The following TRMT2B variants were observed in gnomAD, a reference collection of about 807,000 sequenced individuals.
TRMT2B encodes tRNA (uracil-5-)-methyltransferase homolog B.
A neutral mutation model predicts 39.7 loss-of-function variants in TRMT2B; 34 were observed. The observed-to-expected ratio is 0.86, with a 90% CI of 0.65 to 1.14. TRMT2B has a LOEUF of 1.14. Ranked by LOEUF, TRMT2B falls within the 50% of genes most tolerant of loss-of-function variation. The pLI is 0.00. For synonymous variants in TRMT2B, 132 were observed against 137.3 expected, an observed-to-expected ratio of 0.96 and a Z score of 0.27; for missense variants, 318 against 377.2, an observed-to-expected ratio of 0.84 and a Z score of 1.30.
chrX:101,043,376 C>A (rs1301679724), intron 2 of TRMT2B, among the ~76,000 whole-genome samples: 4 of 111,559 alleles, frequency 3.6e-5, no homozygotes, highest in African/African-American at 9.8e-5. Context: ...TCAAGACCAG[C>A]CTGGCCAACA....
chrX:101,000,656 A>T, the TRMT2B span, among the ~76,000 whole-genome samples: 1 of 110,142 alleles, frequency 9.1e-6, no homozygotes, highest in Non-Finnish European at 1.9e-5. Context: ...TATCTGGCCT[A>T]TGTATTACCC....
Position 101,010,804 on chromosome X carries a change from A to G in TRMT2B, c.1389-97T>C. 3.5e-6 allele frequency: 3 copies of G among 866,250 alleles called. No homozygotes were observed. The South Asian group carries it at 9.4e-5, about 27-fold the overall frequency. 71.4% of individuals were successfully genotyped at this position (866,250 alleles called of 1,213,427 possible). The stretch of plus-strand genomic sequence containing the variant: ...ATAGAGGCCCTTCCACTGTGTTCCC[A>G]CAGGCCCCCTGTGTTTCTCTTATAC... On this transcript the variant is annotated intron_variant, in intron 13 of 13. Transcript: ENST00000372936.
chrX:101,040,235 A>C (rs1450533962), intron 4 of TRMT2B, among the ~76,000 whole-genome samples: 2 of 109,067 alleles, frequency 1.8e-5, no homozygotes. Context: ...CAGAGGTTGC[A>C]GTGAGCTGAG....
intron 2 of TRMT2B, among the ~76,000 whole-genome samples, chrX:101,045,313 G>A (rs867684914): frequency 9.3e-6 from 1 of 107,632 alleles, no homozygotes; most frequent in Non-Finnish European, 1.9e-5. Context: ...AATTAGCCGC[G>A]CATGGTGGCA....
At chrX:100,997,008 AT>A in the TRMT2B span, among the ~76,000 whole-genome samples, 2 of 109,526 alleles carry the variant, frequency 1.8e-5, no homozygotes, top group Admixed American at 2.0e-4. Context: ...AAGGAACTAG[AT>A]TTTTTTTTTG....
Position 101,010,599 on chromosome X carries a change from C to T in TRMT2B, c.1497G>A (p.Val499=), listed in dbSNP as rs761694313. 11 of 1,209,389 alleles carry T rather than the reference C, an allele frequency of 9.1e-6. No homozygotes were observed. Among genetic ancestry groups the T allele is most frequent in the South Asian group, 1.8e-5 (1 of 56,748 alleles). ...AGGCTGCTTATCGAGTAAAGAGGAG[C>T]ACCAGCTCACAATGTGGGGTGTGAG... ...LFPHTPHCEL[V]LLFTR is the part of the protein sequence containing the mutation. The change falls in exon 14 of 14, where the codon GTG becomes GTA. Residue 499 remains valine (V), a synonymous_variant. Coordinates refer to ENST00000372936, the MANE Select transcript of TRMT2B (RefSeq NM_024917.6).
rs1219866720 is a variant in TRMT2B, at chrX:101,042,257, G to A, written c.33C>T (p.His11=). 6.6e-6 allele frequency: 8 copies of A among 1,211,546 alleles called. No individual in the cohort carries two copies. Among genetic ancestry groups the A allele is most frequent in the Non-Finnish European group, 7.8e-6 (7 of 895,184 alleles). The change falls in exon 3 of 14, where the codon CAC becomes CAT. Residue 11 remains histidine, a synonymous_variant. Coordinates refer to ENST00000372936, the MANE Select transcript of TRMT2B (RefSeq NM_024917.6). MAGLKRRVPL[H]SLRYFISMVG... ...CCATGGAGATGAAGTATCTGAGGCT[G>A]TGCAGTGGGACTCTTCTCTTAAGGC...
chrX:100,984,715 G>C, the TRMT2B span, among the ~76,000 whole-genome samples: 2 of 111,983 alleles, frequency 1.8e-5, no homozygotes, highest in African/African-American at 6.5e-5. Context: ...CACAAAAAGA[G>C]GTGAAGGACC....
chrX:101,015,010 T>C (rs766545882), intron 13 of TRMT2B, among the ~76,000 whole-genome samples: 3 of 111,538 alleles, frequency 2.7e-5, no homozygotes, highest in African/African-American at 9.7e-5. Flanking sequence ...AATTGTATGA[T>C]ATATGAGTTG....
intron 7 of TRMT2B, among the ~76,000 whole-genome samples, chrX:101,029,717 C>T (rs961499519): frequency 1.8e-5 from 2 of 111,502 alleles, no homozygotes; most frequent in African/African-American, 6.5e-5. Context: ...GGAGAGAAGA[C>T]AACAGAAAAG....
chrX:100,982,603 G>T, the TRMT2B span, among the ~76,000 whole-genome samples: 1 of 108,536 alleles, frequency 9.2e-6, no homozygotes, highest in Non-Finnish European at 1.9e-5. Context: ...GGGACCTGGA[G>T]ATTCAAAAGT....
At chrX:101,002,966 G>A in the TRMT2B span, among the ~76,000 whole-genome samples, 1 of 110,197 alleles carries the variant, frequency 9.1e-6, no homozygotes, top group South Asian at 3.9e-4. Flanking sequence ...CTGGAGTTCA[G>A]TGACACAATC....
chrX:101,022,784 G>A (rs1421949275), intron 8 of TRMT2B, among the ~76,000 whole-genome samples: 1 of 111,292 alleles, frequency 9.0e-6, no homozygotes, highest in Non-Finnish European at 1.9e-5. Context: ...GCAACAGAGT[G>A]AGACACTGTC....
the TRMT2B span, among the ~76,000 whole-genome samples, chrX:100,993,777 T>A: frequency 9.0e-6 from 1 of 111,445 alleles, no homozygotes; most frequent in Non-Finnish European, 1.9e-5. Context: ...AGAAAAAAAA[T>A]CTCTTTTTGA....
intron 13 of TRMT2B, among the ~76,000 whole-genome samples, chrX:101,017,973 G>A (rs1029710360): frequency 3.6e-5 from 4 of 112,200 alleles, no homozygotes; most frequent in Non-Finnish European, 7.5e-5. Flanking sequence ...GCTCATGCCT[G>A]TAATCTCAGC....
the TRMT2B span, among the ~76,000 whole-genome samples, chrX:100,977,369 C>CTTTTTTTTTTTTTTTT: frequency 1.1e-4 from 6 of 56,470 alleles, no homozygotes; most frequent in African/African-American, 4.3e-4. Context: ...CTACTCTCTT[C>CTTTTTTTTTTTTTTTT]TTTTTTTTTT....
the TRMT2B span, chrX:100,986,819 A>C: frequency 8.3e-7 from 1 of 1,199,707 alleles, no homozygotes. Context: ...CAAGACAAGA[A>C]GAAAGCCCTC....
At chrX:101,049,104 CACAT>C (rs747058229) in intron 2 of TRMT2B, among the ~76,000 whole-genome samples, 2 of 111,526 alleles carry the variant, frequency 1.8e-5, no homozygotes, top group South Asian at 3.7e-4. Flanking sequence ...AACATACACA[CACAT>C]AGACACATAA....
chrX:101,029,322 T>C (rs2087309241), intron 7 of TRMT2B, among the ~76,000 whole-genome samples: 1 of 111,572 alleles, frequency 9.0e-6, no homozygotes, highest in Non-Finnish European at 1.9e-5. Flanking sequence ...TGCTTTATTG[T>C]AGGGGGCTGA....
Sources: gnomAD v4.1 joint callset for allele counts (sites outside exome capture counted in the v4.1 genomes callset) on GRCh38, gnomAD v4.1.1 for gene constraint, MANE v1.5 for transcripts, NCBI Gene and HGNC (gene_info 2026-07-23, HGNC 2026-07-21) for gene names.